Variants in ANO3 observed in about 807,000 individuals in gnomAD.
ANO3 encodes the protein anoctamin 3.
A neutral mutation model predicts 144.8 loss-of-function variants in ANO3; 99 were observed. That is an observed-to-expected ratio of 0.68 (90% CI 0.58 to 0.81). The LOEUF (loss-of-function observed/expected upper bound fraction) is 0.81. Ranked by LOEUF, ANO3 falls within the 30% of genes least tolerant of loss-of-function variation. ANO3 has a pLI of 0.00. For synonymous variants in ANO3, 414 were observed against 392.6 expected (o/e 1.05, Z -0.64); for missense variants, 905 against 1,202.2 (o/e 0.75, Z 3.66).
chr11:26,189,266 T>C, exon 1 of ANO3: 1 of 985,332 alleles, frequency 1.0e-6, no homozygotes. Context: ...CTTTACCCTG[T>C]TTGACTGAAC....
chr11:26,449,858 A>C (rs1047150008), intron 3 of ANO3, among the ~76,000 whole-genome samples: 1 of 151,838 alleles, frequency 6.6e-6, no homozygotes, highest in Non-Finnish European at 1.5e-5. Flanking sequence ...GGGTTCAAGC[A>C]ATTCTCCTGC....
chr11:26,463,200 AC>A (rs1859481282), intron 4 of ANO3, 52 bp downstream of exon 4: 1 of 932,204 alleles, frequency 1.1e-6, no homozygotes, highest in South Asian at 1.7e-5. Flanking sequence ...CATTTTTAAA[AC>A]CTTACAATAT....
intron 1 of ANO3, among the ~76,000 whole-genome samples, chr11:26,310,879 C>T (rs995788041): frequency 1.3e-5 from 2 of 152,214 alleles, no homozygotes; most frequent in African/African-American, 4.8e-5. Context: ...TCTCACCATA[C>T]ACACAGTAAA....
chr11:26,534,848 G>A lies in ANO3; in HGVS notation c.976+286G>A, dbSNP rs550083. The stretch of plus-strand genomic sequence containing the variant: ...CCCCCTCAAATAATCAGACTTTTGA[G>A]TGACAAAATATGCAGAAATTTGCTC... On this transcript the variant is annotated intron_variant, in intron 9 of 26. Coordinates refer to ENST00000256737, the MANE Select transcript of ANO3 (RefSeq NM_031418.4). 0.71 allele frequency among the ~76,000 whole-genome samples: 107,583 copies of A among 151,998 alleles called. 38,422 individuals are homozygous for A. The highest frequency in any genetic ancestry group is 0.84 in the East Asian group (4,339 of 5,160).
intron 8 of ANO3, among the ~76,000 whole-genome samples, chr11:26,532,547 A>T (rs964360097): frequency 6.6e-6 from 1 of 152,156 alleles, no homozygotes; most frequent in Non-Finnish European, 1.5e-5. Context: ...CTATGTGGGC[A>T]TAGATGCCAT....
At chr11:26,522,184 AAAAC>A (rs1406535361) in intron 6 of ANO3, among the ~76,000 whole-genome samples, 9 of 151,540 alleles carry the variant, frequency 5.9e-5, no homozygotes, top group South Asian at 4.2e-4. Flanking sequence ...ACTCCATCTC[AAAAC>A]AAACAAACAG....
intron 3 of ANO3, among the ~76,000 whole-genome samples, chr11:26,461,904 A>G (rs1165344794): frequency 1.4e-4 from 21 of 152,042 alleles, no homozygotes; most frequent in Admixed American, 1.3e-3. Flanking sequence ...AATGTTAACC[A>G]TCAATGAGTT....
intron 1 of ANO3, among the ~76,000 whole-genome samples, chr11:26,406,589 A>G (rs1022930428): frequency 6.6e-6 from 1 of 151,714 alleles, no homozygotes; most frequent in Non-Finnish European, 1.5e-5. Context: ...ACTGCACATA[A>G]GACATATCAT....
intron 22 of ANO3, among the ~76,000 whole-genome samples, chr11:26,642,894 TTTC>T (rs750570352): frequency 6.6e-6 from 1 of 152,066 alleles, no homozygotes; most frequent in Admixed American, 6.6e-5. Flanking sequence ...CTTCCCTCTA[TTTC>T]TTCTTTTTCT....
rs117824214 is a variant in ANO3, at chr11:26,516,520, C to T, written c.592-307C>T. ...ATGATAAAAAGCCCATCAAAAATAA[C>T]TTCAGATTTTTAATTGGCTCATGAT... On this transcript the variant is annotated intron_variant, in intron 5 of 26. Coordinates refer to ENST00000256737, the MANE Select transcript of ANO3 (RefSeq NM_031418.4). Among the ~76,000 whole-genome samples the T allele has an allele frequency of 0.11, 16,685 of 151,808 alleles. 1,283 individuals carry two copies. The highest frequency in any genetic ancestry group is 0.15 in the Admixed American group (2,347 of 15,232).
intron 13 of ANO3, chr11:26,559,050 T>C (rs916579037): frequency 6.6e-6 from 1 of 152,218 alleles, no homozygotes; most frequent in African/African-American, 2.4e-5. Flanking sequence ...ATTTATACTT[T>C]ATTAAAATCA....
chr11:26,265,631 T>G (rs1194607297), intron 1 of ANO3, among the ~76,000 whole-genome samples: 1 of 152,236 alleles, frequency 6.6e-6, no homozygotes, highest in Non-Finnish European at 1.5e-5. Flanking sequence ...TCCATTATCA[T>G]GCTTTATCCT....
At chr11:26,212,495 A>G (rs894843284) in intron 1 of ANO3, among the ~76,000 whole-genome samples, 7 of 152,142 alleles carry the variant, frequency 4.6e-5, no homozygotes, top group South Asian at 2.1e-4. Flanking sequence ...ATCAGAGAAT[A>G]CTATAAATAC....
intron 8 of ANO3, 31 bp downstream of exon 8, chr11:26,531,367 C>A (rs1849367407): frequency 2.5e-6 from 4 of 1,580,212 alleles, no homozygotes; most frequent in Non-Finnish European, 3.4e-6. Context: ...ATACTGCCTA[C>A]CTTTATATCT....
intron 4 of ANO3, among the ~76,000 whole-genome samples, chr11:26,481,528 C>T (rs117979576): frequency 0.075 from 11,404 of 152,178 alleles, 602 homozygotes; most frequent in Admixed American, 0.13. Flanking sequence ...TAACCTATAA[C>T]AAAAAGACCT....
intron 1 of ANO3, among the ~76,000 whole-genome samples, chr11:26,297,951 T>A (rs1854131633): frequency 6.6e-6 from 1 of 152,188 alleles, no homozygotes; most frequent in African/African-American, 2.4e-5. Flanking sequence ...CTTTCCACTA[T>A]ACCCTCCTTC....
upstream of ANO3, among the ~76,000 whole-genome samples, chr11:26,327,343 G>A (rs1219387840): frequency 6.6e-6 from 1 of 152,126 alleles, no homozygotes; most frequent in East Asian, 1.9e-4. Context: ...TTATGAAAAT[G>A]CCATTAAGTG....
At chr11:26,342,022 C>T (rs1195973134) in intron 1 of ANO3, among the ~76,000 whole-genome samples, 3 of 152,184 alleles carry the variant, frequency 2.0e-5, no homozygotes, top group African/African-American at 7.2e-5. Flanking sequence ...TGGCAACACC[C>T]TCAGAGACAC....
chr11:26,471,028 G>T (rs1345746275), intron 4 of ANO3, among the ~76,000 whole-genome samples: 1 of 151,908 alleles, frequency 6.6e-6, no homozygotes, highest in Non-Finnish European at 1.5e-5. Flanking sequence ...GATCACTTTT[G>T]CACCAGAAGC....
Sources: allele counts gnomAD v4.1 joint callset (sites outside exome capture counted in the v4.1 genomes callset), GRCh38; gene constraint gnomAD v4.1.1; transcripts MANE v1.5; gene names NCBI Gene and HGNC (gene_info 2026-07-23, HGNC 2026-07-21).